The following ZNF431 variants were observed in gnomAD, a reference collection of about 807,000 sequenced individuals.
ZNF431 encodes zinc finger protein 431.
ZNF431 carries 34 observed loss-of-function variants against 57.0 expected under a neutral mutation model. The ratio of observed to expected loss-of-function variants is 0.60; its 90% CI spans 0.45 to 0.79. The LOEUF is 0.79. ZNF431 is among the 30% of genes least tolerant of loss of function. The pLI, the probability that ZNF431 is intolerant of heterozygous loss-of-function variation, is 0.00. For missense variants in ZNF431, 607 were observed against 667.1 expected, an observed-to-expected ratio of 0.91 and a Z score of 0.99; for synonymous variants, 207 against 220.3, an observed-to-expected ratio of 0.94 and a Z score of 0.54.
At chr19:21,168,339 T>C (rs1479307000) in intron 4 of ZNF431, among the ~76,000 whole-genome samples, 1 of 152,112 alleles carries the variant, frequency 6.6e-6, no homozygotes, top group Admixed American at 6.6e-5. Context: ...TAATATGGCA[T>C]TTTAACAATA....
chr19:21,166,555 AAATGAGTTTCTAATCCC>A (rs1970726246), intron 3 of ZNF431, 94 bp downstream of exon 3: 6 of 1,401,838 alleles, frequency 4.3e-6, no homozygotes, highest in Admixed American at 2.5e-5. Flanking sequence ...TGCTTTGTAT[AAATGAGTTTCTAATCCC>A]AGTTTTCAAG....
At position 21,184,072 on chromosome 19, in the gene ZNF431, G is replaced by A. The variant is rs770710432; in HGVS notation, c.*38G>A. On this transcript the variant is annotated 3_prime_UTR_variant, in exon 5 of 5. Transcript: ENST00000311048. The stretch of plus-strand genomic sequence containing the variant: ...TCTTACTAAGCATTAAATATTGGCC[G>A]GGTGCGGTGGCTTATGCAAAATGGC... 24 of 1,510,094 alleles carry A rather than the reference G, an allele frequency of 1.6e-5. No homozygotes were observed. Among genetic ancestry groups the A allele is most frequent in the Middle Eastern group, 1.8e-4 (1 of 5,614 alleles). 93.5% of individuals were successfully genotyped at this position (1,510,094 alleles called of 1,614,324 possible). A position where few individuals can be genotyped will look rare whatever the true frequency, so the allele number is the denominator to read the frequency against.
chr19:21,155,180 C>A (rs1970384430), intron 2 of ZNF431, among the ~76,000 whole-genome samples: 2 of 152,164 alleles, frequency 1.3e-5, no homozygotes, highest in South Asian at 4.1e-4. Context: ...TTTAATCCAT[C>A]TTGAATTAAT....
intron 2 of ZNF431, among the ~76,000 whole-genome samples, chr19:21,148,762 G>C (rs915034606): frequency 3.3e-5 from 5 of 152,106 alleles, no homozygotes; most frequent in Non-Finnish European, 4.4e-5. Context: ...GAAAACCTTG[G>C]TAAGTAAGGA....
intron 2 of ZNF431, among the ~76,000 whole-genome samples, chr19:21,149,393 C>A (rs1221301144): frequency 2.0e-5 from 3 of 151,934 alleles, no homozygotes; most frequent in Non-Finnish European, 4.4e-5. Context: ...TTTTTATTTC[C>A]AAAAGATTAC....
Position 21,185,238 on chromosome 19 carries a change from T to A in ZNF431, c.*1204T>A, listed in dbSNP as rs903231160. ...GAAACTAAAGTTGGTAGAAAAGTTATTTGTATAGAACTTTAAGAGGATCAG... is the reference window on the plus strand; with the variant it reads ...GAAACTAAAGTTGGTAGAAAAGTTAATTGTATAGAACTTTAAGAGGATCAG... On this transcript the variant is annotated 3_prime_UTR_variant, in exon 5 of 5. Coordinates refer to ENST00000311048, the MANE Select transcript of ZNF431 (RefSeq NM_133473.4). The A allele has an allele frequency of 2.0e-5, 3 of 152,216 alleles. No individual in the cohort carries two copies. Among genetic ancestry groups the A allele is most frequent in the African/African-American group, 7.2e-5 (3 of 41,468 alleles). 9.4% of individuals were successfully genotyped at this position (152,216 alleles called of 1,614,324 possible). A position where few individuals can be genotyped will look rare whatever the true frequency, so the allele number is the denominator to read the frequency against.
At chr19:21,179,146 T>C (rs1053880185) in intron 4 of ZNF431, among the ~76,000 whole-genome samples, 1 of 152,222 alleles carries the variant, frequency 6.6e-6, no homozygotes, top group Admixed American at 6.5e-5. Flanking sequence ...TGTTCCAGTT[T>C]ATGTGCACAG....
chr19:21,156,087 C>T (rs1380607719), intron 2 of ZNF431, among the ~76,000 whole-genome samples: 2 of 152,180 alleles, frequency 1.3e-5, no homozygotes, highest in Non-Finnish European at 2.9e-5. Flanking sequence ...CTAGGCACCA[C>T]CCTCAGGAAT....
In ZNF431 at chr19:21,195,254, G is replaced by A. The variant is rs1204386166; in HGVS notation, c.*11220G>A. 6.6e-6 allele frequency: 1 copy of A among 152,146 alleles called. No homozygotes were observed. The highest frequency in any genetic ancestry group is 1.5e-5 in the Non-Finnish European group (1 of 68,002). 9.4% of individuals were successfully genotyped at this position (152,146 alleles called of 1,614,324 possible). A position where few individuals can be genotyped will look rare whatever the true frequency, so the allele number is the denominator to read the frequency against. On this transcript the variant is annotated 3_prime_UTR_variant, in exon 5 of 5. Coordinates refer to ENST00000311048, the MANE Select transcript of ZNF431 (RefSeq NM_133473.4). ...TTGCTTCATTTCTGCAATTTCTGCT[G>A]CTTCTTAAGATGCTTTTAATGAATA...
intron 4 of ZNF431, among the ~76,000 whole-genome samples, chr19:21,169,579 C>T (rs969699274): frequency 1.3e-5 from 2 of 152,112 alleles, no homozygotes; most frequent in Non-Finnish European, 2.9e-5. Context: ...CACTAGAGTC[C>T]ACCTTTAGAT....
chr19:21,148,664 TTC>T (rs1427447195), intron 2 of ZNF431, among the ~76,000 whole-genome samples: 2 of 152,220 alleles, frequency 1.3e-5, no homozygotes, highest in Non-Finnish European at 2.9e-5. Context: ...ATATTTCACT[TTC>T]TCTGAATTCC....
At chr19:21,179,503 C>G (rs1971153087) in intron 4 of ZNF431, among the ~76,000 whole-genome samples, 1 of 149,654 alleles carries the variant, frequency 6.7e-6, no homozygotes, top group Non-Finnish European at 1.5e-5. Context: ...GTACTTAGTG[C>G]TATAAATTTC....
Position 21,182,649 on chromosome 19 carries a change from C to T in ZNF431, c.346C>T (p.Leu116Phe), listed in dbSNP as rs201493766. ...PAMCSYFTKDLWPEQDIKDSF... is the reference protein window; with the variant it reads ...PAMCSYFTKDFWPEQDIKDSF... ...TATGTGTTCTTATTTTACCAAAGACCTTTGGCCAGAGCAAGACATAAAAGA... is the reference window on the plus strand; with the variant it reads ...TATGTGTTCTTATTTTACCAAAGACTTTTGGCCAGAGCAAGACATAAAAGA... Residue 116 changes from leucine (L) to phenylalanine (F), a missense_variant, in exon 5 of 5, where the codon CTT becomes TTT. Physicochemically the swap from Leu to Phe is conservative, Grantham distance 22. Transcript: ENST00000311048. 91 of 1,606,050 alleles carry T rather than the reference C, an allele frequency of 5.7e-5. No individual in the cohort carries two copies. The East Asian group carries it at 2.0e-3, about 35-fold the overall frequency.
chr19:21,184,896 T>C lies in ZNF431; in HGVS notation c.*862T>C, dbSNP rs1245108636. ...AAATATAAAAAGGGTTGTAGTGCCTTTACTTGTATCACAGATCTTTTTGTA... is the reference window on the plus strand; with the variant it reads ...AAATATAAAAAGGGTTGTAGTGCCTCTACTTGTATCACAGATCTTTTTGTA... On this transcript the variant is annotated 3_prime_UTR_variant, in exon 5 of 5. Coordinates refer to ENST00000311048, the MANE Select transcript of ZNF431 (RefSeq NM_133473.4). The C allele has an allele frequency of 6.6e-6, 1 of 152,218 alleles. No homozygotes were observed. The highest frequency in any genetic ancestry group is 2.4e-5 in the African/African-American group (1 of 41,458). 9.4% of individuals were successfully genotyped at this position (152,218 alleles called of 1,614,324 possible).
In ZNF431 at chr19:21,171,112, GAATAGCATATATTTAAAACGTAA is replaced by G. The variant is rs1410551502; in HGVS notation, c.319+3450_319+3472del. 4.6e-5 allele frequency among the ~76,000 whole-genome samples: 7 copies of G among 152,050 alleles called. No individual in the cohort carries two copies. In the East Asian group the frequency reaches 1.4e-3, roughly 29 times the overall value. On this transcript the variant is annotated intron_variant, in intron 4 of 4. Coordinates refer to ENST00000311048, the MANE Select transcript of ZNF431 (RefSeq NM_133473.4). ...TTACAGTGGTTTCAATTTTGTGTAAGAATAGCATATATTTAAAACGTAAAATTTATCATATTTTTTACATGCTT... is the reference window on the plus strand; with the variant it reads ...TTACAGTGGTTTCAATTTTGTGTAAGAATTTATCATATTTTTTACATGCTT...
intron 4 of ZNF431, chr19:21,169,911 A>G (rs1235396264): frequency 5.0e-6 from 2 of 398,412 alleles, no homozygotes; most frequent in East Asian, 7.1e-5. Context: ...ATGGCTGCAA[A>G]TAGGTGTCTT....
Position 21,192,103 on chromosome 19 carries a change from A to C in ZNF431, c.*8069A>C, listed in dbSNP as rs980400632. ...TGAATTTCATTTTGGGATAGTTATT[A>C]ATGTAGAGAAATGCTGTGACTTTTT... On this transcript the variant is annotated 3_prime_UTR_variant, in exon 5 of 5. Coordinates refer to ENST00000311048, the MANE Select transcript of ZNF431 (RefSeq NM_133473.4). 3 of 152,160 alleles carry C rather than the reference A, an allele frequency of 2.0e-5. No homozygotes were observed. The highest frequency in any genetic ancestry group is 6.6e-5 in the Admixed American group (1 of 15,260). The allele number at this position is 152,160 out of a possible 1,614,324, so 9.4% of individuals were successfully genotyped here. A position where few individuals can be genotyped will look rare whatever the true frequency, so the allele number is the denominator to read the frequency against.
intron 4 of ZNF431, among the ~76,000 whole-genome samples, chr19:21,172,934 T>C (rs1462694795): frequency 6.6e-6 from 1 of 152,206 alleles, no homozygotes; most frequent in Non-Finnish European, 1.5e-5. Flanking sequence ...CTCTCCCCAG[T>C]GCTTGACAAA....
Position 21,189,843 on chromosome 19 carries a change from T to C in ZNF431, c.*5809T>C, listed in dbSNP as rs564087362. The C allele has an allele frequency of 2.5e-6, 1 of 397,940 alleles. No homozygotes were observed. The highest frequency in any genetic ancestry group is 1.4e-4 in the South Asian group (1 of 7,386). The allele number at this position is 397,940 out of a possible 1,614,324, so 24.7% of individuals were successfully genotyped here. A position where few individuals can be genotyped will look rare whatever the true frequency, so the allele number is the denominator to read the frequency against. On this transcript the variant is annotated 3_prime_UTR_variant, in exon 5 of 5. Coordinates refer to ENST00000311048, the MANE Select transcript of ZNF431 (RefSeq NM_133473.4). ...ACTTCATCCATGTGATTGAGAATAA[T>C]AGTTTTTGTTTTTTTTTTAAGGCCA...
Sources: allele counts gnomAD v4.1 joint callset (sites outside exome capture counted in the v4.1 genomes callset), GRCh38; gene constraint gnomAD v4.1.1; transcripts MANE v1.5; gene names NCBI Gene and HGNC (gene_info 2026-07-23, HGNC 2026-07-21).